The following DGKB variants were observed in gnomAD, a reference collection of about 807,000 sequenced individuals.
DGKB encodes the protein 90 kDa diacylglycerol kinase.
DGKB carries 67 observed loss-of-function variants against 114.3 expected under a neutral mutation model. The ratio of observed to expected loss-of-function variants is 0.59; its 90% CI spans 0.48 to 0.72. The LOEUF (loss-of-function observed/expected upper bound fraction) is 0.72. Ranked by LOEUF, DGKB falls within the 30% of genes least tolerant of loss-of-function variation. The pLI is 0.00. For synonymous variants in DGKB, 398 were observed against 323.1 expected, an observed-to-expected ratio of 1.23 and a Z score of -2.49; for missense variants, 907 against 975.2, an observed-to-expected ratio of 0.93 and a Z score of 0.93.
chr7:14,233,989 C>T (rs1792343927), intron 23 of DGKB, among the ~76,000 whole-genome samples: 1 of 151,994 alleles, frequency 6.6e-6, no homozygotes, highest in African/African-American at 2.4e-5. Flanking sequence ...GTTTTAGATT[C>T]AACAAAATAG....
intron 17 of DGKB, among the ~76,000 whole-genome samples, chr7:14,602,228 A>T (rs1803677082): frequency 6.6e-6 from 1 of 152,180 alleles, no homozygotes; most frequent in Non-Finnish European, 1.5e-5. Flanking sequence ...CCCAGGATGG[A>T]TCATACCTTG....
chr7:14,599,254 G>A (rs760912544), intron 17 of DGKB, among the ~76,000 whole-genome samples: 3 of 152,156 alleles, frequency 2.0e-5, no homozygotes, highest in Non-Finnish European at 4.4e-5. Context: ...AATTGGGCCA[G>A]ATGCTAGGAC....
At chr7:14,929,141 CACTT>C (rs1412533856) in intron 1 of DGKB, among the ~76,000 whole-genome samples, 5 of 151,920 alleles carry the variant, frequency 3.3e-5, no homozygotes, top group Non-Finnish European at 7.4e-5. Flanking sequence ...CATTGATAAA[CACTT>C]AGGTTGATTC....
intron 1 of DGKB, among the ~76,000 whole-genome samples, chr7:14,855,846 AT>A (rs1342984839): frequency 6.6e-6 from 1 of 152,098 alleles, no homozygotes; most frequent in Non-Finnish European, 1.5e-5. Flanking sequence ...TTTGAAAAAT[AT>A]TTATCCTGAT....
At chr7:14,179,556 G>A (rs1420473164) in intron 23 of DGKB, among the ~76,000 whole-genome samples, 2 of 152,136 alleles carry the variant, frequency 1.3e-5, no homozygotes, top group Non-Finnish European at 2.9e-5. Context: ...TACAGAAAGT[G>A]CTCACTCCTC....
In DGKB at chr7:14,295,566, A is replaced by AT. The variant is rs567677648; in HGVS notation, c.2122+42948dup. 1.5e-3 allele frequency among the ~76,000 whole-genome samples: 222 copies of AT among 147,182 alleles called. 3 individuals carry two copies. The highest frequency in any genetic ancestry group is 4.3e-3 in the African/African-American group (173 of 40,138). The stretch of plus-strand genomic sequence containing the variant: ...AGCTATGGATCCTGGAGACTCACCT[A>AT]TTTTTTTTTTAATAGATAGGTTTTC... On this transcript the variant is annotated intron_variant, in intron 23 of 25. Coordinates refer to ENST00000402815, the MANE Select transcript of DGKB (RefSeq NM_001350709.2).
intron 23 of DGKB, among the ~76,000 whole-genome samples, chr7:14,240,639 A>G (rs1013542294): frequency 1.3e-5 from 2 of 151,984 alleles, no homozygotes; most frequent in Non-Finnish European, 2.9e-5. Context: ...TTCCCTCCCC[A>G]AGAGAAAGAT....
chr7:14,221,464 T>G (rs899359031), intron 23 of DGKB, among the ~76,000 whole-genome samples: 10 of 151,442 alleles, frequency 6.6e-5, no homozygotes, highest in Admixed American at 3.3e-4. Flanking sequence ...ATTGCTATAG[T>G]GCATTACATT....
intron 23 of DGKB, among the ~76,000 whole-genome samples, chr7:14,201,953 A>G (rs909175286): frequency 1.1e-4 from 17 of 152,020 alleles, no homozygotes; most frequent in Non-Finnish European, 1.9e-4. Context: ...ATAGTCTTCT[A>G]TAAGAGGCTC....
intron 25 of DGKB, among the ~76,000 whole-genome samples, chr7:14,151,953 T>A (rs185636520): frequency 9.2e-5 from 14 of 152,122 alleles, no homozygotes; most frequent in African/African-American, 3.4e-4. Context: ...GTGTCACAGT[T>A]ACAGAAATTC....
intron 23 of DGKB, among the ~76,000 whole-genome samples, chr7:14,282,693 C>G (rs1409487405): frequency 4.0e-5 from 6 of 151,426 alleles, no homozygotes; most frequent in African/African-American, 1.2e-4. Flanking sequence ...CCCTGGGATG[C>G]AAGGCAGGTT....
intron 2 of DGKB, among the ~76,000 whole-genome samples, chr7:14,798,507 T>C (rs1841721672): frequency 6.6e-6 from 1 of 152,236 alleles, no homozygotes; most frequent in African/African-American, 2.4e-5. Context: ...ATTTGTATAC[T>C]TTCCATCCTG....
intron 23 of DGKB, among the ~76,000 whole-genome samples, chr7:14,291,244 T>C (rs1394952694): frequency 5.9e-5 from 9 of 151,556 alleles, no homozygotes; most frequent in Non-Finnish European, 1.3e-4. Flanking sequence ...AGCAGATCCA[T>C]GGTGCTACCA....
In DGKB at chr7:14,672,357, C is replaced by T. The variant is rs569089261; in HGVS notation, c.1134+572G>A. On this transcript the variant is annotated intron_variant, in intron 13 of 25. Transcript: ENST00000402815. ...ATCTGCTTCTCTTCCTACCAAGGTT[C>T]GTTCTTTTCATAGTTACTTTACTCA... Among the ~76,000 whole-genome samples, 384 of 152,022 alleles carry T rather than the reference C, an allele frequency of 2.5e-3. 1 individual carries two copies. The highest frequency in any genetic ancestry group is 8.9e-3 in the African/African-American group (371 of 41,502).
chr7:14,204,092 TAGAC>T (rs1489190135), intron 23 of DGKB, among the ~76,000 whole-genome samples: 2 of 152,016 alleles, frequency 1.3e-5, no homozygotes, highest in African/African-American at 4.8e-5. Flanking sequence ...AGCACATTCT[TAGAC>T]AGGGAGAAAA....
At chr7:14,743,134 C>T (rs1409780994) in intron 4 of DGKB, among the ~76,000 whole-genome samples, 1 of 152,112 alleles carries the variant, frequency 6.6e-6, no homozygotes, top group Non-Finnish European at 1.5e-5. Context: ...CATGGTCCAA[C>T]TGGCTTAGAT....
Position 14,535,187 on chromosome 7 carries a change from A to G in DGKB, c.1770+39025T>C, listed in dbSNP as rs577515125. ...AGTTCAAGATTAGCCTTGTCAACAC[A>G]GTGAGAACTGTCTCAACAAAAAAAC... On this transcript the variant is annotated intron_variant, in intron 20 of 25. Transcript: ENST00000402815. 3.9e-5 allele frequency among the ~76,000 whole-genome samples: 6 copies of G among 152,180 alleles called. No homozygotes were observed. The East Asian group carries it at 1.2e-3, about 29-fold the overall frequency.
intron 13 of DGKB, among the ~76,000 whole-genome samples, chr7:14,634,467 T>C (rs1388727003): frequency 2.2e-5 from 3 of 138,356 alleles, no homozygotes; most frequent in African/African-American, 5.4e-5. Context: ...GAAATCACTA[T>C]ATCTACAAAG....
At chr7:14,908,607 G>A (rs1783830328) in intron 1 of DGKB, among the ~76,000 whole-genome samples, 1 of 152,066 alleles carries the variant, frequency 6.6e-6, no homozygotes, top group African/African-American at 2.4e-5. Context: ...TTAAGATAAA[G>A]CATTTTATTT....
Sources: gnomAD v4.1 joint callset for allele counts (sites outside exome capture counted in the v4.1 genomes callset) on GRCh38, gnomAD v4.1.1 for gene constraint, MANE v1.5 for transcripts, NCBI Gene and HGNC (gene_info 2026-07-23, HGNC 2026-07-21) for gene names.